The following SLC22A24 variants were observed in gnomAD, a reference collection of about 807,000 sequenced individuals.
The protein encoded by SLC22A24 is solute carrier family 22 member 24.
A neutral mutation model predicts 49.8 loss-of-function variants in SLC22A24; 53 were observed. The observed-to-expected ratio is 1.06, with a 90% CI of 0.85 to 1.34. The LOEUF is 1.34. SLC22A24 is among the 40% of genes most tolerant of loss of function. The probability of loss-of-function intolerance (pLI) is 0.00; values close to 1 mark genes in which losing one functional copy is unlikely to be tolerated. For synonymous variants in SLC22A24, 302 were observed against 256.4 expected (o/e 1.18, Z -1.70); for missense variants, 786 against 675.9 (o/e 1.16, Z -1.81).
chr11:63,104,106 C>G, intron 5 of SLC22A24, 69 bp downstream of exon 5: 1 of 1,509,298 alleles, frequency 6.6e-7, no homozygotes, highest in Non-Finnish European at 8.9e-7. Flanking sequence ...CTCCAGGAAC[C>G]TAGACTAGTA....
At chr11:63,091,660 A>G (rs1211074648) in intron 6 of SLC22A24, among the ~76,000 whole-genome samples, 1 of 152,216 alleles carries the variant, frequency 6.6e-6, no homozygotes, top group Non-Finnish European at 1.5e-5. Flanking sequence ...CAAAAACCAC[A>G]TGATTATCTC....
In SLC22A24 at chr11:63,107,766, T is replaced by G. The variant is rs186879649; in HGVS notation, c.831-3468A>C. 7.6e-4 allele frequency among the ~76,000 whole-genome samples: 116 copies of G among 152,272 alleles called. 1 individual carries two copies. The highest frequency in any genetic ancestry group is 2.6e-3 in the African/African-American group (110 of 41,536). ...TATTGGTATATAGGAATGCTTGTGA[T>G]TTTCGCACACTGATTTTGTATCCTG... On this transcript the variant is annotated intron_variant, in intron 4 of 9. Transcript: ENST00000612278.
intron 6 of SLC22A24, among the ~76,000 whole-genome samples, chr11:63,093,680 T>G (rs921377597): frequency 6.6e-6 from 1 of 151,902 alleles, no homozygotes; most frequent in East Asian, 1.9e-4. Flanking sequence ...CAATAGACAC[T>G]GGGGCCTACC....
chr11:63,122,650 G>T (rs1033373082), intron 2 of SLC22A24, among the ~76,000 whole-genome samples: 1 of 152,064 alleles, frequency 6.6e-6, no homozygotes, highest in Non-Finnish European at 1.5e-5. Context: ...GAGTAGCTGG[G>T]ACTACAGGCA....
intron 2 of SLC22A24, among the ~76,000 whole-genome samples, chr11:63,127,223 G>A (rs1024528799): frequency 1.4e-4 from 21 of 152,224 alleles, no homozygotes; most frequent in African/African-American, 4.6e-4. Flanking sequence ...GTGAGAACAT[G>A]TGGTGTTTGG....
At chr11:63,085,610 A>G (rs2086982850) in intron 6 of SLC22A24, among the ~76,000 whole-genome samples, 1 of 152,210 alleles carries the variant, frequency 6.6e-6, no homozygotes, top group Non-Finnish European at 1.5e-5. Flanking sequence ...ATACAAACAG[A>G]TGAACAAATA....
Position 63,115,606 on chromosome 11 carries a change from G to A in SLC22A24, c.830+3306C>T, listed in dbSNP as rs1008512554. On this transcript the variant is annotated intron_variant, in intron 4 of 9. Transcript: ENST00000612278. Reference sequence around the variant, plus strand: ...AAGCAGTCCCAGTGATATGAACAAGGTACCTCAGTTGGAAATGCAGAAATC... The same window carrying A: ...AAGCAGTCCCAGTGATATGAACAAGATACCTCAGTTGGAAATGCAGAAATC... Among the ~76,000 whole-genome samples, 6 of 152,166 alleles carry A rather than the reference G, an allele frequency of 3.9e-5. No individual in the cohort carries two copies. The East Asian group carries it at 1.2e-3, about 29-fold the overall frequency.
At chr11:63,080,142 G>T in intron 9 of SLC22A24, 142 bp from the exon 10 acceptor site, 2 of 583,410 alleles carry the variant, frequency 3.4e-6, no homozygotes, top group South Asian at 5.0e-5. Context: ...TCTAGATATT[G>T]ATACTATTGT....
At chr11:63,111,626 T>C (rs1259532752) in intron 4 of SLC22A24, among the ~76,000 whole-genome samples, 2 of 150,630 alleles carry the variant, frequency 1.3e-5, no homozygotes, top group East Asian at 3.9e-4. Context: ...GATTTTCTAG[T>C]TTATTTGTGT....
intron 2 of SLC22A24, among the ~76,000 whole-genome samples, chr11:63,133,163 G>A (rs1316850659): frequency 6.6e-6 from 1 of 152,200 alleles, no homozygotes; most frequent in Non-Finnish European, 1.5e-5. Context: ...TGCCAAGACT[G>A]TGGGAAAAGT....
chr11:63,139,570 C>A (rs1415937099), intron 1 of SLC22A24, among the ~76,000 whole-genome samples: 3 of 152,146 alleles, frequency 2.0e-5, no homozygotes, highest in African/African-American at 7.2e-5. Context: ...ACATCCCCAA[C>A]CCCCAATGAG....
intron 6 of SLC22A24, among the ~76,000 whole-genome samples, chr11:63,085,204 T>G (rs953217592): frequency 1.3e-5 from 2 of 152,042 alleles, no homozygotes; most frequent in Non-Finnish European, 2.9e-5. Context: ...TTCTATAAAT[T>G]TTATAATTAT....
chr11:63,140,057 C>T (rs1204817669), intron 1 of SLC22A24, among the ~76,000 whole-genome samples: 1 of 147,150 alleles, frequency 6.8e-6, no homozygotes, highest in Non-Finnish European at 1.5e-5. Context: ...GAAATAGAGA[C>T]AGTTTTTTTG....
intron 5 of SLC22A24, among the ~76,000 whole-genome samples, chr11:63,099,726 A>T (rs534452741): frequency 6.6e-6 from 1 of 152,036 alleles, no homozygotes. Context: ...ACTGTTTTTC[A>T]CGGCCAGGCA....
chr11:63,095,920 A>C, intron 6 of SLC22A24, 71 bp downstream of exon 6: 1 of 1,119,850 alleles, frequency 8.9e-7, no homozygotes, highest in Non-Finnish European at 1.3e-6. Flanking sequence ...TGCTGCTGCT[A>C]ATCTTTTGAA....
chr11:63,108,248 A>C (rs869279266), intron 4 of SLC22A24, among the ~76,000 whole-genome samples: 1 of 152,098 alleles, frequency 6.6e-6, no homozygotes, highest in African/African-American at 2.4e-5. Context: ...ATTGATTTGC[A>C]TATGCCGAAC....
intron 2 of SLC22A24, among the ~76,000 whole-genome samples, chr11:63,123,451 A>G (rs1237638742): frequency 6.6e-6 from 1 of 152,130 alleles, no homozygotes; most frequent in African/African-American, 2.4e-5. Flanking sequence ...GAAAATAATT[A>G]TATGCTAATA....
intron 6 of SLC22A24, among the ~76,000 whole-genome samples, chr11:63,095,654 C>G (rs11231351): frequency 6.6e-6 from 1 of 151,920 alleles, no homozygotes; most frequent in Non-Finnish European, 1.5e-5. Context: ...TTGATCTAGA[C>G]AGCCAGTTGA....
Position 63,101,365 on chromosome 11 carries a change from G to T in SLC22A24, c.954+2810C>A, listed in dbSNP as rs1355853901. Among the ~76,000 whole-genome samples the T allele has an allele frequency of 2.0e-5, 3 of 151,512 alleles. No individual in the cohort carries two copies. In the East Asian group the frequency reaches 5.8e-4, roughly 29 times the overall value. On this transcript the variant is annotated intron_variant, in intron 5 of 9. Transcript: ENST00000612278. ...ATTAAATTAATGCTACTCTTCAAAAGTTGCATATAATATTACACTAGGCAA... is the reference window on the plus strand; with the variant it reads ...ATTAAATTAATGCTACTCTTCAAAATTTGCATATAATATTACACTAGGCAA...
Sources: allele counts gnomAD v4.1 joint callset (sites outside exome capture counted in the v4.1 genomes callset), GRCh38; gene constraint gnomAD v4.1.1; transcripts MANE v1.5; gene names NCBI Gene and HGNC (gene_info 2026-07-23, HGNC 2026-07-21).